Variants in KAZN observed in about 807,000 individuals in gnomAD.
KAZN encodes kazrin, periplakin interacting protein.
Under a neutral mutation model 87.4 loss-of-function variants are expected in KAZN, and 40 were observed. The ratio of observed to expected loss-of-function variants is 0.46; its 90% confidence interval spans 0.36 to 0.60. The LOEUF (loss-of-function observed/expected upper bound fraction) is 0.60. Ranked by LOEUF, KAZN falls within the 20% of genes least tolerant of loss-of-function variation. The pLI, the probability that KAZN is intolerant of heterozygous loss-of-function variation, is 0.00. For synonymous variants in KAZN, 466 were observed against 458.3 expected (o/e 1.02, Z -0.22); for missense variants, 898 against 1,073.9 (o/e 0.84, Z 2.29).
At chr1:15,069,399 C>T (rs1422211970) in intron 8 of KAZN, among the ~76,000 whole-genome samples, 1 of 152,210 alleles carries the variant, frequency 6.6e-6, no homozygotes, top group East Asian at 1.9e-4. Context: ...ACTTGGCCAG[C>T]GTCCTAGCTA....
At chr1:14,506,885 C>T (rs1168413556) in intron 2 of KAZN, among the ~76,000 whole-genome samples, 1 of 152,160 alleles carries the variant, frequency 6.6e-6, no homozygotes, top group Non-Finnish European at 1.5e-5. Context: ...ACAGTGGTCT[C>T]AGCTTTGCAA....
intron 1 of KAZN, among the ~76,000 whole-genome samples, chr1:14,768,009 C>T (rs999021448): frequency 2.6e-5 from 4 of 152,178 alleles, no homozygotes; most frequent in African/African-American, 9.7e-5. Flanking sequence ...GGAGCACCTA[C>T]GAGCTTTAGC....
chr1:14,461,453 C>A (rs950335879), intron 2 of KAZN, among the ~76,000 whole-genome samples: 2 of 152,140 alleles, frequency 1.3e-5, no homozygotes, highest in African/African-American at 4.8e-5. Context: ...GTAAGTCGTG[C>A]CTTTCACCTT....
At chr1:14,902,302 A>T (rs1328325966) in intron 1 of KAZN, among the ~76,000 whole-genome samples, 2 of 151,170 alleles carry the variant, frequency 1.3e-5, no homozygotes, top group Non-Finnish European at 2.9e-5. Context: ...CTCGGCTCAC[A>T]GCAAGCTCCG....
intron 1 of KAZN, among the ~76,000 whole-genome samples, chr1:13,894,414 G>T (rs1396078130): frequency 6.6e-6 from 1 of 151,512 alleles, no homozygotes; most frequent in Non-Finnish European, 1.5e-5. Context: ...AAAAAAAAAG[G>T]TGAGGATGGA....
At chr1:13,972,895 T>A (rs1423284939) in intron 1 of KAZN, among the ~76,000 whole-genome samples, 2 of 152,240 alleles carry the variant, frequency 1.3e-5, no homozygotes, top group East Asian at 3.8e-4. Context: ...AATCCCTGTG[T>A]TGAGTCAAGG....
intron 2 of KAZN, among the ~76,000 whole-genome samples, chr1:15,032,078 T>G (rs1671765705): frequency 6.6e-6 from 1 of 151,634 alleles, no homozygotes; most frequent in African/African-American, 2.4e-5. Context: ...AATCCCATAC[T>G]CTTAGCTACC....
chr1:15,065,655 A>G lies in KAZN; in HGVS notation c.1124A>G (p.Lys375Arg), dbSNP rs551460571. 1 of 1,613,882 alleles carries G rather than the reference A, an allele frequency of 6.2e-7. No homozygotes were observed. Among genetic ancestry groups the G allele is most frequent in the South Asian group, 1.1e-5 (1 of 91,040 alleles). ...VQSLEDLEDQ[K>R]RKKKKEKMGF... The stretch of plus-strand genomic sequence containing the variant: ...TCACTAGAGGATCTTGAAGACCAAA[A>G]ACGGAAAAAGAAGAAAGAGAAGATG... The change falls in exon 8 of 15, where the codon AAA becomes AGA. Residue 375 changes from lysine to arginine, a missense_variant. By Grantham distance (26) the Lys-to-Arg change is conservative. Coordinates refer to ENST00000376030, the MANE Select transcript of KAZN (RefSeq NM_201628.3).
chr1:14,665,238 G>A (rs1639451202), intron 1 of KAZN, among the ~76,000 whole-genome samples: 1 of 151,976 alleles, frequency 6.6e-6, no homozygotes, highest in Non-Finnish European at 1.5e-5. Flanking sequence ...TGGGCACTGA[G>A]CAGACCTCTC....
chr1:14,970,361 A>T (rs1323077107), intron 2 of KAZN, among the ~76,000 whole-genome samples: 1 of 152,144 alleles, frequency 6.6e-6, no homozygotes, highest in Non-Finnish European at 1.5e-5. Flanking sequence ...CTGCAAGGCC[A>T]GGCTCCTTGG....
At chr1:14,677,157 G>A (rs1640275564) in intron 1 of KAZN, among the ~76,000 whole-genome samples, 2 of 152,138 alleles carry the variant, frequency 1.3e-5, no homozygotes, top group African/African-American at 2.4e-5. Flanking sequence ...AAAGAAGACC[G>A]AGGATTAGAG....
intron 2 of KAZN, among the ~76,000 whole-genome samples, chr1:14,524,299 G>A (rs550257295): frequency 1.3e-5 from 2 of 152,216 alleles, no homozygotes; most frequent in East Asian, 3.9e-4. Flanking sequence ...TGAGATTATA[G>A]GCATGAGCCA....
At chr1:15,043,957 C>T (rs1557747845) in intron 3 of KAZN, 32 bp from the exon 4 acceptor site, 6 of 1,579,054 alleles carry the variant, frequency 3.8e-6, no homozygotes, top group Non-Finnish European at 5.2e-6. Flanking sequence ...GGCTGTAACA[C>T]CCACGGTGCT....
intron 1 of KAZN, among the ~76,000 whole-genome samples, chr1:14,904,261 C>T (rs1046127855): frequency 1.7e-4 from 25 of 150,628 alleles, no homozygotes; most frequent in Admixed American, 3.3e-4. Flanking sequence ...GCCGAGATAG[C>T]GCCACTGCAG....
chr1:14,826,742 G>A (rs139689036), intron 1 of KAZN, among the ~76,000 whole-genome samples: 107 of 152,270 alleles, frequency 7.0e-4, no homozygotes, highest in African/African-American at 2.5e-3. Context: ...ACATGCACCT[G>A]CTGAAGGATG....
intron 1 of KAZN, among the ~76,000 whole-genome samples, chr1:14,932,448 C>T (rs1031052509): frequency 2.0e-5 from 3 of 152,144 alleles, no homozygotes; most frequent in Non-Finnish European, 4.4e-5. Context: ...TGGGAGGTTT[C>T]GAGGAGAGCC....
chr1:14,949,926 C>T lies in KAZN; in HGVS notation c.227-10758C>T, dbSNP rs1025790800. ...AGGATCCGCTTGGCACTCAGGGCAC[C>T]GAGGAGGGTCTGGCTAAAGGTGTGT... On this transcript the variant is annotated intron_variant, in intron 1 of 14. Coordinates refer to ENST00000376030, the MANE Select transcript of KAZN (RefSeq NM_201628.3). This position sits in a 1 kb window ranked among gnomAD's most constrained non-coding sequence, Gnocchi z 4.3. 1.3e-5 allele frequency among the ~76,000 whole-genome samples: 2 copies of T among 151,954 alleles called. No individual in the cohort carries two copies. The highest frequency in any genetic ancestry group is 2.9e-5 in the Non-Finnish European group (2 of 68,010).
chr1:14,436,061 C>T (rs1007723660), intron 2 of KAZN, among the ~76,000 whole-genome samples: 3 of 152,148 alleles, frequency 2.0e-5, no homozygotes, highest in Non-Finnish European at 4.4e-5. Context: ...AACCCCATCT[C>T]TACTAAAAAT....
chr1:14,584,649 C>CTT (rs55669007), intron 2 of KAZN, among the ~76,000 whole-genome samples: 1,577 of 148,770 alleles, frequency 0.011, 25 homozygotes, highest in African/African-American at 0.034. Context: ...TGGAGACAGT[C>CTT]TTTTTTTTTT....
Sources: gnomAD v4.1 joint callset for allele counts (sites outside exome capture counted in the v4.1 genomes callset) on GRCh38, gnomAD v4.1.1 for gene constraint, Gnocchi (gnomAD v3.1) non-coding constraint, MANE v1.5 for transcripts, NCBI Gene and HGNC (gene_info 2026-07-23, HGNC 2026-07-21) for gene names.